Variants in NEMP1 observed in about 807,000 individuals in gnomAD.
The protein encoded by NEMP1 is nuclear envelope integral membrane protein 1.
A neutral mutation model predicts 53.7 loss-of-function variants in NEMP1; 29 were observed. The observed-to-expected ratio is 0.54, with a 90% CI of 0.40 to 0.74. The LOEUF is 0.74. Among genes scored for constraint, NEMP1 ranks in the 30% least tolerant of loss-of-function variants. The pLI, the probability that NEMP1 is intolerant of heterozygous loss-of-function variation, is 0.00. For missense variants in NEMP1, 477 were observed against 528.6 expected (o/e 0.90, Z 0.96); for synonymous variants, 193 against 192.9 (o/e 1.00, Z 0.00).
At position 57,055,900 on chromosome 12, in the gene NEMP1, A is replaced by G. The variant is rs1333126998; in HGVS notation, c.*3979T>C. On this transcript the variant is annotated 3_prime_UTR_variant, in exon 9 of 9. Coordinates refer to ENST00000300128, the MANE Select transcript of NEMP1 (RefSeq NM_001130963.2). ...CCTTAGCCCTGCTATTTCAATATCAATTCCACAAACATGGAAAATTATGGT... is the reference window on the plus strand; with the variant it reads ...CCTTAGCCCTGCTATTTCAATATCAGTTCCACAAACATGGAAAATTATGGT... The G allele has an allele frequency of 6.6e-6, 1 of 152,228 alleles. No individual in the cohort carries two copies. Among genetic ancestry groups the G allele is most frequent in the Non-Finnish European group, 1.5e-5 (1 of 68,038 alleles). The allele number at this position is 152,228 out of a possible 1,614,324, so 9.4% of individuals were successfully genotyped here. A position where few individuals can be genotyped will look rare whatever the true frequency, so the allele number is the denominator to read the frequency against.
chr12:57,066,088 AC>A (rs1446472465), intron 4 of NEMP1, among the ~76,000 whole-genome samples: 6 of 152,118 alleles, frequency 3.9e-5, no homozygotes, highest in African/African-American at 1.4e-4. Flanking sequence ...CCCTGTCTCT[AC>A]TAAAAATACA....
rs2031901275 is a variant in NEMP1, at chr12:57,063,165, T to C, written c.934A>G (p.Thr312Ala). 3.1e-6 allele frequency: 5 copies of C among 1,614,146 alleles called. No homozygotes were observed. In the South Asian group the frequency reaches 3.3e-5, roughly 11 times the overall value. The change falls in exon 7 of 9, where the codon ACT becomes GCT. Residue 312 changes from threonine (T) to alanine (A), a missense_variant. Transcript: ENST00000300128. ...TGAATAGGGTGTTCCAGGTTCTTAG[T>C]ACAAAGAGCAATGATGATAATGGCA... is the stretch of plus-strand genomic sequence containing the variant. ...ALAIIIIALCTKNLEHPIQWL... is the reference protein window; with the variant it reads ...ALAIIIIALCAKNLEHPIQWL...
At position 57,078,648 on chromosome 12, in the gene NEMP1, A is replaced by G; in HGVS notation, c.98T>C (p.Ile33Thr). The G allele has an allele frequency of 1.9e-6, 3 of 1,613,094 alleles. No homozygotes were observed. Among genetic ancestry groups the G allele is most frequent in the Non-Finnish European group, 2.5e-6 (3 of 1,179,538 alleles). ...GCCGTAGACCAAGCAGCCGGAGAGGATCAAGAGTAGCCGCACTGTCCCACC... is the reference window on the plus strand; with the variant it reads ...GCCGTAGACCAAGCAGCCGGAGAGGGTCAAGAGTAGCCGCACTGTCCCACC... Reference protein sequence around the residue: ...GGGGTVRLLLILSGCLVYGTA... With the variant: ...GGGGTVRLLLTLSGCLVYGTA... The change falls in exon 1 of 9, where the codon ATC (isoleucine) becomes ACC (threonine). Residue 33 changes from isoleucine to threonine, a missense_variant. Physicochemically the swap from Ile to Thr is moderately conservative, Grantham distance 89 (BLOSUM62 -1). Transcript: ENST00000300128.
chr12:57,083,389 G>A (rs149908518), upstream of NEMP1, among the ~76,000 whole-genome samples: 12 of 152,338 alleles, frequency 7.9e-5, no homozygotes, highest in Non-Finnish European at 1.8e-4. Flanking sequence ...ATCTCCTTCA[G>A]AGTCTATAAC....
intron 1 of NEMP1, among the ~76,000 whole-genome samples, chr12:57,084,402 C>G (rs561271805): frequency 6.6e-6 from 1 of 152,182 alleles, no homozygotes; most frequent in African/African-American, 2.4e-5. Flanking sequence ...AAGCTAGGAG[C>G]CTGAGAGTCA....
intron 4 of NEMP1, among the ~76,000 whole-genome samples, chr12:57,065,075 G>A (rs901214694): frequency 2.0e-5 from 3 of 152,052 alleles, no homozygotes; most frequent in Admixed American, 2.0e-4. Context: ...GATCATCTAC[G>A]CCTTCAGTGA....
intron 7 of NEMP1, among the ~76,000 whole-genome samples, chr12:57,062,453 C>T (rs1446967777): frequency 2.0e-5 from 3 of 151,358 alleles, no homozygotes; most frequent in Admixed American, 6.6e-5. Flanking sequence ...GTGCTCCAGC[C>T]TGGGTGACAG....
chr12:57,076,371 T>C (rs2032621219), intron 1 of NEMP1, among the ~76,000 whole-genome samples: 1 of 151,340 alleles, frequency 6.6e-6, no homozygotes, highest in East Asian at 2.0e-4. Context: ...CACTAAAAAA[T>C]AATAAATGAA....
rs539621280 is a variant in NEMP1, at chr12:57,063,142, A to G, written c.957T>C (p.Ile319=). Residue 319 remains isoleucine (I), a synonymous_variant, in exon 7 of 9, where the codon ATT becomes ATC. Transcript: ENST00000300128. ...ALCTKNLEHP[I]QWLYITCRKV... is the part of the protein sequence containing the mutation. ...ACCTGCAGGTGATGTACAGCCACTG[A>G]ATAGGGTGTTCCAGGTTCTTAGTAC... 3 of 1,613,832 alleles carry G rather than the reference A, an allele frequency of 1.9e-6. No individual in the cohort carries two copies. The African/African-American group carries it at 4.0e-5, about 22-fold the overall frequency.
At chr12:57,067,944 A>AT (rs1228911092) in intron 4 of NEMP1, among the ~76,000 whole-genome samples, 1 of 151,738 alleles carries the variant, frequency 6.6e-6, no homozygotes, top group Non-Finnish European at 1.5e-5. Context: ...TAATTTTTGT[A>AT]TTTTTTTGTA....
chr12:57,074,292 ATTTT>A (rs71084728), intron 1 of NEMP1, among the ~76,000 whole-genome samples: 1 of 128,776 alleles, frequency 7.8e-6, no homozygotes, highest in Admixed American at 7.9e-5. Context: ...CCCAGCCAGC[ATTTT>A]TTTTTTTTTT....
upstream of NEMP1, among the ~76,000 whole-genome samples, chr12:57,079,803 C>T (rs937222527): frequency 1.3e-5 from 2 of 151,970 alleles, no homozygotes; most frequent in Admixed American, 1.3e-4. Flanking sequence ...CAGGGTCATT[C>T]TCTGACACCC....
chr12:57,084,440 C>T (rs979444421), intron 1 of NEMP1, among the ~76,000 whole-genome samples: 3 of 152,142 alleles, frequency 2.0e-5, no homozygotes, highest in African/African-American at 7.2e-5. Context: ...CTCCTCTCAA[C>T]CCCTCAGCCA....
chr12:57,075,660 CA>C (rs780744570), intron 1 of NEMP1, among the ~76,000 whole-genome samples: 61 of 116,466 alleles, frequency 5.2e-4, no homozygotes, highest in Non-Finnish European at 6.7e-4. Context: ...CCCATCTCTA[CA>C]AAAAAAAAAA....
rs908246090 is a variant in NEMP1 at position 57,075,562 on chromosome 12, G to A, written c.128-2650C>T. On this transcript the variant is annotated intron_variant, in intron 1 of 8. Coordinates refer to ENST00000300128, the MANE Select transcript of NEMP1 (RefSeq NM_001130963.2). ...GTTGGGCCCAGGCGTGGTGGCTCAC[G>A]CCTGTAGTCCCAGGACTTTGGGAAG... 1.1e-4 allele frequency among the ~76,000 whole-genome samples: 16 copies of A among 150,888 alleles called. 1 individual carries two copies. Among genetic ancestry groups the A allele is most frequent in the South Asian group, 2.1e-4 (1 of 4,808 alleles).
intron 7 of NEMP1, among the ~76,000 whole-genome samples, chr12:57,061,708 A>C (rs1459417964): frequency 6.9e-6 from 1 of 145,384 alleles, no homozygotes; most frequent in Non-Finnish European, 1.5e-5. Context: ...AAAAAAAAAA[A>C]CAAAAAAAAA....
intron 1 of NEMP1, among the ~76,000 whole-genome samples, chr12:57,085,466 C>A (rs1420690956): frequency 6.6e-6 from 1 of 152,206 alleles, no homozygotes; most frequent in Non-Finnish European, 1.5e-5. Flanking sequence ...CATTGTTGTA[C>A]CCATATTATT....
chr12:57,082,460 T>C (rs1472451061), upstream of NEMP1, among the ~76,000 whole-genome samples: 3 of 152,150 alleles, frequency 2.0e-5, no homozygotes, highest in African/African-American at 7.2e-5. Context: ...ACACCTGTGA[T>C]CCCAGCACTT....
Position 57,078,763 on chromosome 12 carries a change from T to C in NEMP1, c.-18A>G, listed in dbSNP as rs1160819427. 2 of 1,605,248 alleles carry C rather than the reference T, an allele frequency of 1.2e-6. No homozygotes were observed. Among genetic ancestry groups the C allele is most frequent in the East Asian group, 2.2e-5 (1 of 44,646 alleles). On this transcript the variant is annotated 5_prime_UTR_variant, in exon 1 of 9. Coordinates refer to ENST00000300128, the MANE Select transcript of NEMP1 (RefSeq NM_001130963.2). ...CCCGCCATGGTTGCCTCAAGCCACC[T>C]CCTCCTCACGTGCCTTACCCCAGCA...
Sources: gnomAD v4.1 joint callset for allele counts (sites outside exome capture counted in the v4.1 genomes callset) on GRCh38, gnomAD v4.1.1 for gene constraint, MANE v1.5 for transcripts, NCBI Gene and HGNC (gene_info 2026-07-23, HGNC 2026-07-21) for gene names.